Variants in GSAP observed in about 807,000 individuals in gnomAD.
GSAP encodes the protein gamma-secretase-activating protein.
Under a neutral mutation model 131.7 loss-of-function variants are expected in GSAP, and 118 were observed. The ratio of observed to expected loss-of-function variants is 0.90; its 90% confidence interval spans 0.77 to 1.04. The LOEUF is 1.04. Ranked by LOEUF, GSAP falls within the 50% of genes least tolerant of loss-of-function variation. The probability of loss-of-function intolerance (pLI) is 0.00; values close to 1 mark genes in which losing one functional copy is unlikely to be tolerated. For missense variants in GSAP, 1,019 were observed against 1,013.2 expected (o/e 1.01, Z -0.08); for synonymous variants, 381 against 363.4 (o/e 1.05, Z -0.55).
chr7:77,346,029 G>A lies in GSAP; in HGVS notation c.1545+3322C>T, dbSNP rs549300064. ...TGTATGTATAAAAATGTTCACTTTG[G>A]GAGGCCGAGGTGGGCAGATCACCTG... On this transcript the variant is annotated intron_variant, in intron 19 of 30. Coordinates refer to ENST00000257626, the MANE Select transcript of GSAP (RefSeq NM_017439.4). Among the ~76,000 whole-genome samples the A allele has an allele frequency of 6.2e-4, 95 of 152,196 alleles. 1 individual carries two copies. The highest frequency in any genetic ancestry group is 2.2e-3 in the African/African-American group (93 of 41,528).
At chr7:77,384,041 A>T (rs910025547) in intron 6 of GSAP, among the ~76,000 whole-genome samples, 1 of 152,288 alleles carries the variant, frequency 6.6e-6, no homozygotes, top group Non-Finnish European at 1.5e-5. Context: ...AAAATAATAC[A>T]GAACTAATTG....
chr7:77,392,971 G>A (rs780656576), intron 5 of GSAP, among the ~76,000 whole-genome samples: 1 of 152,032 alleles, frequency 6.6e-6, no homozygotes, highest in African/African-American at 2.4e-5. Flanking sequence ...AGGATGAAGG[G>A]GACAGCCAGA....
chr7:77,408,872 A>G (rs1802783410), intron 1 of GSAP, among the ~76,000 whole-genome samples: 1 of 152,126 alleles, frequency 6.6e-6, no homozygotes, highest in Non-Finnish European at 1.5e-5. Flanking sequence ...AAAGGAAAAG[A>G]CAAGATAAAA....
At chr7:77,372,815 C>CA (rs1352045352) in intron 12 of GSAP, among the ~76,000 whole-genome samples, 1 of 152,208 alleles carries the variant, frequency 6.6e-6, no homozygotes, top group African/African-American at 2.4e-5. Context: ...CACAAGGTCC[C>CA]ACATAGCCTG....
At chr7:77,416,388 C>T (rs192107530), upstream of GSAP, 2,470 of 820,108 alleles carry the variant, frequency 3.0e-3, 43 homozygotes, top group African/African-American at 0.039. Context: ...CCCGCGTGGC[C>T]GCCTCGCCCT....
At chr7:77,412,033 G>T (rs762725547) in intron 1 of GSAP, among the ~76,000 whole-genome samples, 25 of 152,108 alleles carry the variant, frequency 1.6e-4, no homozygotes, top group Non-Finnish European at 2.9e-4. Context: ...ATAAAAATTA[G>T]CTGGGCGTGG....
chr7:77,396,895 T>C (rs1434209963), intron 5 of GSAP, 87 bp downstream of exon 5: 5 of 682,090 alleles, frequency 7.3e-6, no homozygotes, highest in African/African-American at 1.8e-5. Flanking sequence ...TTTCTAAAGA[T>C]GCTTGAAATT....
intron 19 of GSAP, 82 bp downstream of exon 19, chr7:77,349,269 C>G: frequency 8.8e-7 from 1 of 1,133,664 alleles, no homozygotes; most frequent in Non-Finnish European, 1.3e-6. Context: ...ATTTGCAATC[C>G]CTTTTGGAAC....
intron 19 of GSAP, among the ~76,000 whole-genome samples, chr7:77,339,661 G>C (rs1483445247): frequency 7.8e-6 from 1 of 127,722 alleles, no homozygotes. Context: ...GGAGAAAGAG[G>C]GAATGTAAAA....
chr7:77,397,661 T>G (rs1252515895), intron 3 of GSAP, among the ~76,000 whole-genome samples: 2 of 152,194 alleles, frequency 1.3e-5, no homozygotes, highest in Non-Finnish European at 2.9e-5. Context: ...GTTAACAGCA[T>G]AGACATTGGA....
chr7:77,361,437 T>A (rs1250224016), intron 13 of GSAP, among the ~76,000 whole-genome samples: 1 of 152,198 alleles, frequency 6.6e-6, no homozygotes, highest in Non-Finnish European at 1.5e-5. Flanking sequence ...ATTAGAAAAA[T>A]GTGTGAAAAA....
chr7:77,351,081 ATAGAATATTCCTGTAAAAAAGGG>A, intron 18 of GSAP: 1 of 953,778 alleles, frequency 1.0e-6, no homozygotes, highest in Non-Finnish European at 1.2e-6. Flanking sequence ...TTTTACTGAT[ATAGAATATTCCTGTAAAAAAGGG>A]TATCATGGGG....
chr7:77,386,542 C>T (rs1445828583), intron 6 of GSAP, among the ~76,000 whole-genome samples: 1 of 152,194 alleles, frequency 6.6e-6, no homozygotes, highest in Non-Finnish European at 1.5e-5. Flanking sequence ...TCCTTAACCT[C>T]ATGGCCAACA....
At chr7:77,384,930 C>G (rs1798336363) in intron 6 of GSAP, among the ~76,000 whole-genome samples, 1 of 151,932 alleles carries the variant, frequency 6.6e-6, no homozygotes, top group Non-Finnish European at 1.5e-5. Context: ...GAAGGCAGGG[C>G]TAGGGACTAA....
chr7:77,347,271 C>T (rs1212911499), intron 19 of GSAP, among the ~76,000 whole-genome samples: 1 of 152,090 alleles, frequency 6.6e-6, no homozygotes, highest in East Asian at 1.9e-4. Context: ...AAAGAGGTAC[C>T]GTGGGAACCC....
chr7:77,401,405 T>C (rs955181695), intron 3 of GSAP, among the ~76,000 whole-genome samples: 1 of 152,016 alleles, frequency 6.6e-6, no homozygotes, highest in African/African-American at 2.4e-5. Flanking sequence ...ACAGCAGATT[T>C]CTCATGAGAA....
intron 19 of GSAP, among the ~76,000 whole-genome samples, chr7:77,347,371 C>G (rs1407773438): frequency 1.3e-5 from 2 of 152,022 alleles, no homozygotes; most frequent in African/African-American, 2.4e-5. Flanking sequence ...GGACTATGTC[C>G]CCCAACCTGT....
intron 5 of GSAP, among the ~76,000 whole-genome samples, chr7:77,390,609 A>G (rs1007629212): frequency 6.6e-6 from 1 of 152,066 alleles, no homozygotes; most frequent in Admixed American, 6.5e-5. Context: ...ATGCAGCATT[A>G]TATCTGAGGG....
chr7:77,404,397 A>G (rs1393193917), intron 3 of GSAP, among the ~76,000 whole-genome samples, 162 bp downstream of exon 3: 1 of 152,210 alleles, frequency 6.6e-6, no homozygotes, highest in Admixed American at 6.5e-5. Context: ...ACCAAAGACT[A>G]CCCTGGTCTG....
Sources: allele counts gnomAD v4.1 joint callset (sites outside exome capture counted in the v4.1 genomes callset), GRCh38; gene constraint gnomAD v4.1.1; transcripts MANE v1.5; gene names NCBI Gene and HGNC (gene_info 2026-07-23, HGNC 2026-07-21).